CAMKK1: variants seen among roughly 807,000 people sequenced by gnomAD.
CAMKK1 encodes calcium/calmodulin dependent protein kinase kinase 1.
CAMKK1 carries 20 observed loss-of-function variants against 63.5 expected under a neutral mutation model. The observed-to-expected ratio is 0.32, with a 90% confidence interval of 0.22 to 0.46. The LOEUF is 0.46. Among genes scored for constraint, CAMKK1 ranks in the 20% least tolerant of loss-of-function variants. CAMKK1 has a pLI of 1.00. For synonymous variants in CAMKK1, 253 were observed against 269.0 expected (o/e 0.94, Z 0.58); for missense variants, 588 against 658.1 (o/e 0.89, Z 1.17).
intron 15 of CAMKK1, among the ~76,000 whole-genome samples, chr17:3,864,062 C>T (rs186062585): frequency 6.6e-6 from 1 of 151,760 alleles, no homozygotes; most frequent in Non-Finnish European, 1.5e-5. Flanking sequence ...AAGCAATCCT[C>T]CCACCTCAGC....
At chr17:3,863,079 A>G (rs2054383083) in intron 15 of CAMKK1, among the ~76,000 whole-genome samples, 1 of 152,242 alleles carries the variant, frequency 6.6e-6, no homozygotes, top group Non-Finnish European at 1.5e-5. Context: ...ACAGATTTCT[A>G]TATCTAGTTT....
intron 14 of CAMKK1, among the ~76,000 whole-genome samples, chr17:3,867,587 G>A (rs1331829554): frequency 6.6e-6 from 1 of 152,160 alleles, no homozygotes; most frequent in Admixed American, 6.5e-5. Context: ...AGGAGATGGT[G>A]GCTAAGATCA....
intron 15 of CAMKK1, among the ~76,000 whole-genome samples, chr17:3,863,001 G>C (rs1289720779): frequency 2.0e-5 from 3 of 152,124 alleles, no homozygotes; most frequent in African/African-American, 7.2e-5. Flanking sequence ...CTTTCATTTT[G>C]CATTTTTCTT....
intron 2 of CAMKK1, 131 bp downstream of exon 2, chr17:3,885,197 G>C: frequency 9.1e-7 from 1 of 1,095,360 alleles, no homozygotes; most frequent in Non-Finnish European, 1.3e-6. Flanking sequence ...TTGTTAGGTA[G>C]TGATCTCCCC....
intron 12 of CAMKK1, among the ~76,000 whole-genome samples, chr17:3,872,255 G>A (rs1455447730): frequency 1.3e-5 from 2 of 152,220 alleles, no homozygotes; most frequent in Admixed American, 6.5e-5. Flanking sequence ...CAGGGGCTGG[G>A]TGGGGCTGGC....
intron 12 of CAMKK1, among the ~76,000 whole-genome samples, 186 bp from the exon 13 acceptor site, chr17:3,870,074 GA>G (rs1247729954): frequency 1.3e-5 from 2 of 152,232 alleles, no homozygotes; most frequent in African/African-American, 4.8e-5. Context: ...CTCCAGGACA[GA>G]GGCACAGACA....
At position 3,879,101 on chromosome 17, in the gene CAMKK1, C is replaced by T. The variant is rs1245465185; in HGVS notation, c.796+1245G>A. The T allele has an allele frequency of 6.6e-6, 1 of 152,306 alleles. No homozygotes were observed. The highest frequency in any genetic ancestry group is 2.4e-5 in the African/African-American group (1 of 41,386). 9.4% of individuals were successfully genotyped at this position (152,306 alleles called of 1,614,324 possible). A position where few individuals can be genotyped will look rare whatever the true frequency, so the allele number is the denominator to read the frequency against. On this transcript the variant is annotated intron_variant, in intron 9 of 15. Transcript: ENST00000348335. This position sits in a 1 kb window ranked among gnomAD's most constrained non-coding sequence, Gnocchi z 4.5. ...AGTGCTGGGATTACAGGCATGAGCC[C>T]CTGCGCCTGGCCCAAGCTAAGATTT...
chr17:3,891,288 A>C (rs532584068), intron 1 of CAMKK1, among the ~76,000 whole-genome samples: 1 of 152,354 alleles, frequency 6.6e-6, no homozygotes, highest in African/African-American at 2.4e-5. Context: ...TCGTGGGGGC[A>C]AGAAGCAACA....
In CAMKK1 at chr17:3,882,901, T is replaced by TCTGGG. The variant is rs1597481363; in HGVS notation, c.648+140_648+141insCCCAG. ...AGCCTTCCTGCAGCCCCACCCCAAG[T>TCTGGG]CTGGCCCTGTCCTCAGAGGCCTCAG... On this transcript the variant is annotated intron_variant, in intron 6 of 15. Coordinates refer to ENST00000348335, the MANE Select transcript of CAMKK1 (RefSeq NM_032294.3). The surrounding 1 kb of genome is among the most constrained non-coding windows in gnomAD (Gnocchi z 4.3). The TCTGGG allele has an allele frequency of 8.1e-6, 9 of 1,117,066 alleles. No individual in the cohort carries two copies. The highest frequency in any genetic ancestry group is 1.1e-5 in the Non-Finnish European group (9 of 789,970). The allele number at this position is 1,117,066 out of a possible 1,614,324, so 69.2% of individuals were successfully genotyped here.
In CAMKK1 at chr17:3,890,208, C is replaced by T. The variant is rs181339120; in HGVS notation, c.-44+2731G>A. 2.5e-3 allele frequency among the ~76,000 whole-genome samples: 387 copies of T among 152,326 alleles called. 1 individual carries two copies. The highest frequency in any genetic ancestry group is 3.4e-3 in the Non-Finnish European group (232 of 68,024). ...GCCCTCCGCAGCTCCCGCCCCCACC[C>T]GGGATGACTCAGTCCCCTTGAGGGA... On this transcript the variant is annotated intron_variant, in intron 1 of 15. Transcript: ENST00000348335. The surrounding 1 kb of genome is among the most constrained non-coding windows in gnomAD (Gnocchi z 6.5).
intron 12 of CAMKK1, among the ~76,000 whole-genome samples, chr17:3,871,519 T>C (rs1597455730): frequency 6.7e-6 from 1 of 150,322 alleles, no homozygotes; most frequent in Non-Finnish European, 1.5e-5. Flanking sequence ...CACGCCCGGC[T>C]AATTTTTTTT....
In CAMKK1 at chr17:3,868,016, GGGAGAAGCAGGCGCCGTCTAACTGATA is replaced by G. The variant is rs1276353190; in HGVS notation, c.1341+1444_1341+1470del. On this transcript the variant is annotated intron_variant, in intron 14 of 15. Coordinates refer to ENST00000348335, the MANE Select transcript of CAMKK1 (RefSeq NM_032294.3). The stretch of plus-strand genomic sequence containing the variant: ...CGTCTAACTGATACGCGGGCTCTGG[GGGAGAAGCAGGCGCCGTCTAACTGATA>G]CACAGGATCTGGGGGAGAAGCAGGC... Among the ~76,000 whole-genome samples the G allele has an allele frequency of 1.2e-4, 17 of 142,648 alleles. 1 individual carries two copies. The highest frequency in any genetic ancestry group is 6.1e-4 in the East Asian group (3 of 4,894). 93.6% of individuals were successfully genotyped at this position (142,648 alleles called of 152,430 possible). A position where few individuals can be genotyped will look rare whatever the true frequency, so the allele number is the denominator to read the frequency against.
rs2055449168 is a variant in CAMKK1 at position 3,882,409 on chromosome 17, T to G, written c.685+119A>C. 6.3e-7 allele frequency: 1 copy of G among 1,593,696 alleles called. No individual in the cohort carries two copies. Among genetic ancestry groups the G allele is most frequent in the Non-Finnish European group, 8.6e-7 (1 of 1,161,640 alleles). Reference sequence around the variant, plus strand: ...TCCAGGGCTTCAGAACGTGTGTTTTTCTTCTGTCCCCAGGAGGTCAGTGCA... The same window carrying G: ...TCCAGGGCTTCAGAACGTGTGTTTTGCTTCTGTCCCCAGGAGGTCAGTGCA... On this transcript the variant is annotated intron_variant, in intron 7 of 15. Coordinates refer to ENST00000348335, the MANE Select transcript of CAMKK1 (RefSeq NM_032294.3). This position sits in a 1 kb window ranked among gnomAD's most constrained non-coding sequence, Gnocchi z 4.3.
intron 12 of CAMKK1, 74 bp downstream of exon 12, chr17:3,872,480 G>A (rs1597458803): frequency 1.5e-6 from 2 of 1,322,670 alleles, no homozygotes; most frequent in Non-Finnish European, 2.2e-6. Flanking sequence ...GTCCTCAGAG[G>A]GCAAAAGCTC....
chr17:3,892,653 G>A lies in CAMKK1; in HGVS notation c.-44+286C>T, dbSNP rs1343175249. On this transcript the variant is annotated intron_variant, in intron 1 of 15. Transcript: ENST00000348335. This position sits in a 1 kb window ranked among gnomAD's most constrained non-coding sequence, Gnocchi z 7.5. ...CCGGGCGCGGGGGACAGTGCACCGGGGATGGATGCGGTCCGCAGACAGAAG... is the reference window on the plus strand; with the variant it reads ...CCGGGCGCGGGGGACAGTGCACCGGAGATGGATGCGGTCCGCAGACAGAAG... 3.3e-5 allele frequency among the ~76,000 whole-genome samples: 5 copies of A among 152,288 alleles called. No homozygotes were observed. The East Asian group carries it at 9.7e-4, about 29-fold the overall frequency.
At chr17:3,869,910 G>C in intron 12 of CAMKK1, 22 bp from the exon 13 acceptor site, 1 of 1,603,800 alleles carries the variant, frequency 6.2e-7, no homozygotes, top group Non-Finnish European at 8.5e-7. Flanking sequence ...GAAGGAAGGA[G>C]AGGAGGGTGG....
intron 14 of CAMKK1, among the ~76,000 whole-genome samples, chr17:3,867,637 C>G (rs866379530): frequency 3.3e-5 from 5 of 152,062 alleles, no homozygotes; most frequent in Non-Finnish European, 7.4e-5. Context: ...TTGCCTGGTT[C>G]CAGCGACCCC....
rs1321437884 is a variant in CAMKK1, at chr17:3,862,290, A to G, written c.1446-7T>C. The G allele has an allele frequency of 1.9e-6, 3 of 1,570,698 alleles. No individual in the cohort carries two copies. Among genetic ancestry groups the G allele is most frequent in the Non-Finnish European group, 2.6e-6 (3 of 1,156,402 alleles). ...TTCACCAAACCCTTCTTTCCTGTTCAGGGGACACCAGGGACAGAGGGACCT... is the reference window on the plus strand; with the variant it reads ...TTCACCAAACCCTTCTTTCCTGTTCGGGGGACACCAGGGACAGAGGGACCT... On this transcript the variant is annotated splice_region_variant and splice_polypyrimidine_tract_variant and intron_variant, in intron 15 of 15. Transcript: ENST00000348335. This position sits in a 1 kb window ranked among gnomAD's most constrained non-coding sequence, Gnocchi z 4.1.
intron 10 of CAMKK1, 144 bp downstream of exon 10, chr17:3,876,079 G>C (rs1408396906): frequency 1.3e-6 from 1 of 761,780 alleles, no homozygotes; most frequent in Admixed American, 2.9e-5. Context: ...AAGTTGTGGA[G>C]TTTGTCAGGC....
Sources: gnomAD v4.1 joint callset for allele counts (sites outside exome capture counted in the v4.1 genomes callset) on GRCh38, gnomAD v4.1.1 for gene constraint, Gnocchi (gnomAD v3.1) non-coding constraint, MANE v1.5 for transcripts, NCBI Gene and HGNC (gene_info 2026-07-23, HGNC 2026-07-21) for gene names.